Variants in PDE4D observed in about 807,000 individuals in gnomAD.
The protein encoded by PDE4D is phosphodiesterase 4D.
A neutral mutation model predicts 87.4 loss-of-function variants in PDE4D; 24 were observed. The ratio of observed to expected loss-of-function variants is 0.27; its 90% confidence interval spans 0.20 to 0.39. The LOEUF (loss-of-function observed/expected upper bound fraction) is 0.39. PDE4D is among the 10% of genes least tolerant of loss of function. The probability of loss-of-function intolerance (pLI) is 1.00; values close to 1 mark genes in which losing one functional copy is unlikely to be tolerated. For synonymous variants in PDE4D, 384 were observed against 383.2 expected (o/e 1.00, Z -0.02); for missense variants, 714 against 1,041.0 (o/e 0.69, Z 4.32).
chr5:59,811,242 T>C (rs1167346067), intron 1 of PDE4D, among the ~76,000 whole-genome samples: 1 of 152,178 alleles, frequency 6.6e-6, no homozygotes, highest in African/African-American at 2.4e-5. Flanking sequence ...TGATTTTCCC[T>C]GGGGAATTTT....
chr5:59,752,355 T>C (rs1760602675), intron 1 of PDE4D, among the ~76,000 whole-genome samples: 1 of 152,208 alleles, frequency 6.6e-6, no homozygotes, highest in Non-Finnish European at 1.5e-5. Context: ...TTATGAAACA[T>C]GTATGAATTA....
chr5:59,141,276 A>G (rs75435685), intron 5 of PDE4D, among the ~76,000 whole-genome samples: 5,928 of 152,298 alleles, frequency 0.039, 349 homozygotes, highest in African/African-American at 0.12. Flanking sequence ...AGCCAAACCT[A>G]CTTGCCCAAA....
intron 1 of PDE4D, among the ~76,000 whole-genome samples, chr5:59,779,903 T>C (rs1764438493): frequency 1.3e-5 from 2 of 152,196 alleles, no homozygotes; most frequent in Admixed American, 1.3e-4. Flanking sequence ...AACTGCCAAA[T>C]TGTTCTCCAA....
chr5:60,245,515 A>C, intron 1 of PDE4D, among the ~76,000 whole-genome samples: 1 of 152,028 alleles, frequency 6.6e-6, no homozygotes, highest in East Asian at 1.9e-4. Context: ...CACAATAGCC[A>C]GGAATTGGTA....
intron 1 of PDE4D, among the ~76,000 whole-genome samples, chr5:60,479,838 C>A (rs1748594744): frequency 6.6e-6 from 1 of 152,206 alleles, no homozygotes; most frequent in Non-Finnish European, 1.5e-5. Flanking sequence ...GGAAAAAATG[C>A]AGTCACGTCT....
At chr5:60,245,696 T>C (rs1747677830) in intron 1 of PDE4D, among the ~76,000 whole-genome samples, 2 of 151,948 alleles carry the variant, frequency 1.3e-5, no homozygotes, top group Admixed American at 6.6e-5. Context: ...ACTTTGCATG[T>C]TTTCACTTAT....
intron 1 of PDE4D, among the ~76,000 whole-genome samples, chr5:60,297,251 C>T (rs1753489849): frequency 6.6e-6 from 1 of 152,040 alleles, no homozygotes; most frequent in Admixed American, 6.6e-5. Context: ...AGATACTAAA[C>T]CTTACCCTTC....
intron 1 of PDE4D, among the ~76,000 whole-genome samples, chr5:59,851,925 C>T (rs554149588): frequency 1.3e-5 from 2 of 152,174 alleles, no homozygotes; most frequent in Admixed American, 1.3e-4. Flanking sequence ...GTTTCAACCT[C>T]GAGCTAAGAA....
rs547021502 is a variant in PDE4D at position 59,976,461 on chromosome 5, C to G, written c.272+12027G>C. On this transcript the variant is annotated intron_variant, in intron 3 of 16. Transcript: ENST00000502484. ...TGTTTAAAGAATATGGCACCTGCCC[C>G]CTCTCTTATTCCCTCTCTTGTCATC... 9.9e-5 allele frequency among the ~76,000 whole-genome samples: 15 copies of G among 152,146 alleles called. No individual in the cohort carries two copies. In the East Asian group the frequency reaches 2.9e-3, roughly 29 times the overall value.
At chr5:59,002,515 G>C (rs772440609) in intron 6 of PDE4D, among the ~76,000 whole-genome samples, 8 of 151,986 alleles carry the variant, frequency 5.3e-5, no homozygotes, top group Non-Finnish European at 1.2e-4. Flanking sequence ...ACTACTCTGA[G>C]AGGCTATGCT....
chr5:59,593,322 A>C (rs1826172239), intron 1 of PDE4D, among the ~76,000 whole-genome samples: 1 of 149,962 alleles, frequency 6.7e-6, no homozygotes, highest in African/African-American at 2.4e-5. Flanking sequence ...TGGCTCTCAA[A>C]AAAAAAAAAA....
intron 1 of PDE4D, among the ~76,000 whole-genome samples, chr5:60,403,358 T>C (rs1430053829): frequency 6.6e-6 from 1 of 152,208 alleles, no homozygotes; most frequent in Non-Finnish European, 1.5e-5. Context: ...CCCCAAATCA[T>C]TGTACTTAGG....
intron 3 of PDE4D, among the ~76,000 whole-genome samples, chr5:59,189,253 G>GTTTTTTTTTTTTTTTTTTTTTTTTTT (rs5868167): frequency 1.7e-5 from 2 of 120,846 alleles, no homozygotes; most frequent in African/African-American, 3.2e-5. Context: ...TGTTTTTTTT[G>GTTTTTTTTTTTTTTTTTTTTTTTTTT]TTTTTTTTTT....
intron 1 of PDE4D, among the ~76,000 whole-genome samples, chr5:59,226,009 G>T (rs560667355): frequency 2.6e-5 from 4 of 151,742 alleles, no homozygotes; most frequent in African/African-American, 9.7e-5. Flanking sequence ...AAACCTGTTG[G>T]CAAGGACATA....
intron 1 of PDE4D, among the ~76,000 whole-genome samples, chr5:59,695,289 G>A (rs556989426): frequency 6.6e-6 from 1 of 151,164 alleles, no homozygotes; most frequent in South Asian, 2.1e-4. Flanking sequence ...TCATTTACAA[G>A]GGCCCCTTCT....
intron 5 of PDE4D, among the ~76,000 whole-genome samples, chr5:59,156,776 C>A (rs907696832): frequency 6.6e-5 from 10 of 151,808 alleles, no homozygotes; most frequent in African/African-American, 2.2e-4. Flanking sequence ...GTATATACAG[C>A]GAAATTTTCA....
At chr5:59,235,487 G>A (rs1756216565) in intron 1 of PDE4D, among the ~76,000 whole-genome samples, 1 of 152,162 alleles carries the variant, frequency 6.6e-6, no homozygotes, top group Admixed American at 6.5e-5. Context: ...GGAGGGCAAT[G>A]ATGTGCCTAG....
intron 1 of PDE4D, among the ~76,000 whole-genome samples, chr5:59,784,135 A>T (rs1331945858): frequency 1.3e-5 from 2 of 152,224 alleles, no homozygotes; most frequent in Non-Finnish European, 2.9e-5. Context: ...TGTAAGAGAG[A>T]AGTCACTGCA....
chr5:60,310,713 G>A (rs558445321), intron 1 of PDE4D, among the ~76,000 whole-genome samples: 6 of 152,152 alleles, frequency 3.9e-5, no homozygotes, highest in Admixed American at 6.5e-5. Context: ...TCCAACCTTC[G>A]CTCTTGCTCT....
Sources: allele counts gnomAD v4.1 joint callset (sites outside exome capture counted in the v4.1 genomes callset), GRCh38; gene constraint gnomAD v4.1.1; transcripts MANE v1.5; gene names NCBI Gene and HGNC (gene_info 2026-07-23, HGNC 2026-07-21).